The following MEIOB variants were observed in gnomAD, a reference collection of about 807,000 sequenced individuals.
MEIOB encodes the protein meiosis specific with OB-fold.
Under a neutral mutation model 53.1 loss-of-function variants are expected in MEIOB, and 50 were observed. The ratio of observed to expected loss-of-function variants is 0.94; its 90% confidence interval spans 0.75 to 1.19. MEIOB has a LOEUF of 1.19. Among genes scored for constraint, MEIOB ranks in the 50% most tolerant of loss-of-function variants. The pLI is 0.00. For synonymous variants in MEIOB, 192 were observed against 182.5 expected (o/e 1.05, Z -0.42); for missense variants, 551 against 550.8 (o/e 1.00, Z 0.00).
chr16:1,855,291 G>C (rs192229878), intron 6 of MEIOB, among the ~76,000 whole-genome samples: 1 of 152,056 alleles, frequency 6.6e-6, no homozygotes, highest in African/African-American at 2.4e-5. Context: ...AATTAGCTGG[G>C]CATGGTGGTA....
intron 9 of MEIOB, among the ~76,000 whole-genome samples, chr16:1,845,284 C>G (rs971526308): frequency 1.3e-5 from 2 of 152,174 alleles, no homozygotes. Flanking sequence ...CTTTGGGAGG[C>G]TGAAGCAGGT....
intron 2 of MEIOB, among the ~76,000 whole-genome samples, chr16:1,867,306 C>T (rs1307031119): frequency 1.3e-5 from 2 of 151,942 alleles, no homozygotes; most frequent in East Asian, 1.9e-4. Context: ...TTGAATTCCC[C>T]TATAACTCCT....
chr16:1,861,868 A>G, intron 4 of MEIOB, 117 bp downstream of exon 4: 1 of 1,102,900 alleles, frequency 9.1e-7, no homozygotes, highest in Non-Finnish European at 1.3e-6. Flanking sequence ...TTTTTCTGAT[A>G]AAGTTCTTGA....
intron 1 of MEIOB, among the ~76,000 whole-genome samples, chr16:1,868,595 C>T (rs1476758788): frequency 1.3e-5 from 2 of 151,854 alleles, no homozygotes; most frequent in Admixed American, 1.3e-4. Context: ...GTGGCTCATG[C>T]CTATTATCCC....
chr16:1,862,609 G>C (rs1265590251), intron 3 of MEIOB, among the ~76,000 whole-genome samples: 1 of 151,962 alleles, frequency 6.6e-6, no homozygotes, highest in Non-Finnish European at 1.5e-5. Context: ...AACAGAGCAA[G>C]ACCCCGTCCC....
chr16:1,835,789 G>A (rs1898728139), intron 13 of MEIOB, among the ~76,000 whole-genome samples: 1 of 152,130 alleles, frequency 6.6e-6, no homozygotes, highest in South Asian at 2.1e-4. Context: ...GGAGCCCAGA[G>A]GTTCATCTAC....
chr16:1,845,525 A>T (rs1899006952), intron 9 of MEIOB, among the ~76,000 whole-genome samples: 1 of 152,210 alleles, frequency 6.6e-6, no homozygotes, highest in Non-Finnish European at 1.5e-5. Context: ...GTCTAAAAAA[A>T]AAAATACATA....
chr16:1,863,416 C>T (rs866598978), intron 3 of MEIOB, among the ~76,000 whole-genome samples: 3 of 147,936 alleles, frequency 2.0e-5, no homozygotes, highest in South Asian at 2.2e-4. Flanking sequence ...GACGGAGTTT[C>T]GCTCTTGTTA....
At chr16:1,859,010 G>A (rs1437410532) in intron 5 of MEIOB, among the ~76,000 whole-genome samples, 3 of 152,206 alleles carry the variant, frequency 2.0e-5, no homozygotes, top group Non-Finnish European at 4.4e-5. Context: ...TTGATCTCAT[G>A]AGGCTCACAT....
chr16:1,870,004 T>C (rs1037128733), intron 1 of MEIOB, among the ~76,000 whole-genome samples: 1 of 151,760 alleles, frequency 6.6e-6, no homozygotes, highest in Admixed American at 6.6e-5. Flanking sequence ...CCCGAGTAGC[T>C]GGGACTACAG....
intron 10 of MEIOB, among the ~76,000 whole-genome samples, chr16:1,842,203 A>G (rs900257538): frequency 5.3e-5 from 8 of 152,166 alleles, no homozygotes; most frequent in Admixed American, 1.3e-4. Context: ...CTGTTCATCA[A>G]AAGACACCAT....
intron 1 of MEIOB, among the ~76,000 whole-genome samples, chr16:1,869,360 A>G (rs1374500039): frequency 6.6e-6 from 1 of 151,918 alleles, no homozygotes; most frequent in African/African-American, 2.4e-5. Flanking sequence ...CCTGATCTCA[A>G]GTGATCCGGC....
intron 3 of MEIOB, among the ~76,000 whole-genome samples, chr16:1,865,490 CACAT>C (rs1899567946): frequency 1.8e-4 from 1 of 5,578 alleles, no homozygotes; most frequent in African/African-American, 6.7e-4. Flanking sequence ...CACGTGTACA[CACAT>C]ACACACACAT....
chr16:1,860,503 A>T (rs945918028), intron 4 of MEIOB, 28 bp from the exon 5 acceptor site: 5 of 1,285,372 alleles, frequency 3.9e-6, no homozygotes, highest in Admixed American at 4.0e-5. Context: ...GTATGATGAT[A>T]TTACAAAACA....
At chr16:1,865,431 C>CA (rs375392458) in intron 3 of MEIOB, among the ~76,000 whole-genome samples, 3,264 of 144,044 alleles carry the variant, frequency 0.023, 128 homozygotes, top group East Asian at 0.096. Flanking sequence ...GCCTCCATCT[C>CA]AAAAAAAAAA....
At chr16:1,869,550 C>T (rs899797674) in intron 1 of MEIOB, among the ~76,000 whole-genome samples, 1 of 151,962 alleles carries the variant, frequency 6.6e-6, no homozygotes, top group African/African-American at 2.4e-5. Flanking sequence ...TGGGTTCACG[C>T]CATTCTCCCA....
intron 2 of MEIOB, among the ~76,000 whole-genome samples, chr16:1,867,506 G>C (rs429178): frequency 7.4e-6 from 1 of 134,314 alleles, no homozygotes; most frequent in South Asian, 2.4e-4. Flanking sequence ...GAAGAGTTTT[G>C]CTCTTGTTGC....
chr16:1,869,529 G>A (rs2974855), intron 1 of MEIOB, among the ~76,000 whole-genome samples: 122,833 of 149,796 alleles, frequency 0.82, 50,356 homozygotes, highest in Middle Eastern at 0.86. Context: ...CTCACTGCAA[G>A]CTCCACCTCC....
chr16:1,838,082 G>A lies in MEIOB; in HGVS notation c.1219-212C>T, dbSNP rs556504006. On this transcript the variant is annotated intron_variant, in intron 12 of 13. Coordinates refer to ENST00000325962, the MANE Select transcript of MEIOB (RefSeq NM_001163560.3). ...TGCTATCACAGCTCACTGCAGCCTCGAACTCCCGGGGTCAAGCAATCCTCC... is the reference window on the plus strand; with the variant it reads ...TGCTATCACAGCTCACTGCAGCCTCAAACTCCCGGGGTCAAGCAATCCTCC... The A allele has an allele frequency of 9.2e-4, 788 of 855,758 alleles. 2 individuals are homozygous for A. The highest frequency in any genetic ancestry group is 2.9e-3 in the Middle Eastern group (13 of 4,454). The allele number at this position is 855,758 out of a possible 1,614,324, so 53.0% of individuals were successfully genotyped here.
Sources: allele counts gnomAD v4.1 joint callset (sites outside exome capture counted in the v4.1 genomes callset), GRCh38; gene constraint gnomAD v4.1.1; transcripts MANE v1.5; gene names NCBI Gene and HGNC (gene_info 2026-07-23, HGNC 2026-07-21).